Variants in IRS1 observed in about 807,000 individuals in gnomAD.
IRS1 encodes insulin receptor substrate 1.
Under a neutral mutation model 65.6 loss-of-function variants are expected in IRS1, and 34 were observed. The ratio of observed to expected loss-of-function variants is 0.52; its 90% CI spans 0.39 to 0.69. The LOEUF (loss-of-function observed/expected upper bound fraction) is 0.69, where lower values mean the gene tolerates loss of function less well. Among genes scored for constraint, IRS1 ranks in the 30% least tolerant of loss-of-function variants. The probability of loss-of-function intolerance (pLI) is 0.00; values close to 1 mark genes in which losing one functional copy is unlikely to be tolerated. For synonymous variants in IRS1, 699 were observed against 683.5 expected, an observed-to-expected ratio of 1.02 and a Z score of -0.35; for missense variants, 1,641 against 1,720.2, an observed-to-expected ratio of 0.95 and a Z score of 0.81.
chr2:226,777,179 T>A lies in IRS1; in HGVS notation c.*21+17810A>T, dbSNP rs1300986014. Among the ~76,000 whole-genome samples the A allele has an allele frequency of 2.0e-5, 3 of 152,300 alleles. No homozygotes were observed. In the South Asian group the frequency reaches 6.2e-4, roughly 32 times the overall value. On this transcript the variant is annotated intron_variant, in intron 1 of 1. Transcript: ENST00000305123. ...CTTTAGTTAACAATAATGTGTCACA[T>A]TAGTTCATTGTGACAAATGTATTAT...
In IRS1 at chr2:226,798,718, G is replaced by T; in HGVS notation, c.21C>A (p.Ser7Arg). Reference protein sequence around the residue: MASPPESDGFSDVRKVG... With the variant: MASPPERDGFSDVRKVG... Reference sequence around the variant, plus strand: ...CCTTGCGCACGTCCGAGAAGCCATCGCTCTCCGGAGGGCTCGCCATGCTGC... The same window carrying T: ...CCTTGCGCACGTCCGAGAAGCCATCTCTCTCCGGAGGGCTCGCCATGCTGC... The change falls in exon 1 of 2, where the codon AGC becomes AGA. Residue 7 changes from serine to arginine, a missense_variant. By Grantham distance (110) the Ser-to-Arg change is moderately radical (BLOSUM62 -1). Around this residue, in one of 3 missense-constraint regions of IRS1, gnomAD observed 240 missense variants for 229.6 expected, o/e 1.05. Coordinates refer to ENST00000305123, the MANE Select transcript of IRS1 (RefSeq NM_005544.3). The surrounding 1 kb of genome is among the most constrained non-coding windows in gnomAD (Gnocchi z 9.4). 6.2e-7 allele frequency: 1 copy of T among 1,612,292 alleles called. No homozygotes were observed. Among genetic ancestry groups the T allele is most frequent in the Non-Finnish European group, 8.5e-7 (1 of 1,179,710 alleles).
rs1475993652 is a variant in IRS1, at chr2:226,795,628, G to A, written c.3111C>T (p.Ser1037=). The change falls in exon 1 of 2, where the codon TCC becomes TCT. Residue 1037 remains serine, a synonymous_variant. Coordinates refer to ENST00000305123, the MANE Select transcript of IRS1 (RefSeq NM_005544.3). ...CAGTCGGGGAAGCAGAGGCTGCTGA[G>A]GATGAGGAGGCAGCAGCCATGGTGG... ...PRATMAAASS[S]SAASASPTGP... 2.5e-6 allele frequency: 4 copies of A among 1,612,548 alleles called. No homozygotes were observed. Among genetic ancestry groups the A allele is most frequent in the African/African-American group, 1.3e-5 (1 of 74,942 alleles).
At chr2:226,790,645 G>A (rs1939571923) in intron 1 of IRS1, among the ~76,000 whole-genome samples, 1 of 152,146 alleles carries the variant, frequency 6.6e-6, no homozygotes, top group Non-Finnish European at 1.5e-5. Context: ...CAGAAAAAGC[G>A]CTGCCCTGGG....
In IRS1 at chr2:226,733,133, A is replaced by C. The variant is rs563091757; in HGVS notation, c.*3139T>G. 6.6e-6 allele frequency: 1 copy of C among 152,216 alleles called. No individual in the cohort carries two copies. Among genetic ancestry groups the C allele is most frequent in the Non-Finnish European group, 1.5e-5 (1 of 68,040 alleles). The allele number at this position is 152,216 out of a possible 1,614,324, so 9.4% of individuals were successfully genotyped here. A position where few individuals can be genotyped will look rare whatever the true frequency, so the allele number is the denominator to read the frequency against. ...GACTTTGTGGTATATTGTATTCAAG[A>C]TGCAAGATTGAATAAAACAGGGCTT... On this transcript the variant is annotated 3_prime_UTR_variant, in exon 2 of 2. Transcript: ENST00000305123.
intron 1 of IRS1, among the ~76,000 whole-genome samples, chr2:226,738,136 A>T (rs186428834): frequency 7.9e-5 from 12 of 152,358 alleles, no homozygotes; most frequent in African/African-American, 2.9e-4. Context: ...CTACATTGAC[A>T]TAAGGTCAAG....
chr2:226,775,182 C>T (rs1939244430), intron 1 of IRS1, among the ~76,000 whole-genome samples: 1 of 152,084 alleles, frequency 6.6e-6, no homozygotes, highest in Non-Finnish European at 1.5e-5. Flanking sequence ...GAAAAGACTT[C>T]AGTAAAAGAG....
chr2:226,792,512 G>A (rs1354651479), intron 1 of IRS1: 1 of 152,350 alleles, frequency 6.6e-6, no homozygotes, highest in Non-Finnish European at 1.5e-5. Flanking sequence ...GCAAGAGAAA[G>A]GGCAGGCAGA....
At chr2:226,791,217 T>G (rs1939588169) in intron 1 of IRS1, among the ~76,000 whole-genome samples, 1 of 151,946 alleles carries the variant, frequency 6.6e-6, no homozygotes, top group African/African-American at 2.4e-5. Flanking sequence ...CGCAGGTCTC[T>G]CTCCCTCCCT....
intron 1 of IRS1, among the ~76,000 whole-genome samples, chr2:226,760,105 G>A (rs1938885653): frequency 6.6e-6 from 1 of 152,156 alleles, no homozygotes; most frequent in African/African-American, 2.4e-5. Context: ...AAGCCCAGGA[G>A]GTTGAGCTGC....
rs1939742315 is a variant in IRS1, at chr2:226,796,957, A to G, written c.1782T>C (p.Arg594=). The G allele has an allele frequency of 2.6e-6, 4 of 1,565,068 alleles. No homozygotes were observed. In the African/African-American group the frequency reaches 4.1e-5, roughly 16 times the overall value. The part of the protein sequence containing the change: ...EEGLEMHPLE[R]RGGHHRPDSS... ...TGTCTGGGCGGTGGTGCCCCCCCCG[A>G]CGCTCCAAGGGGTGCATTTCCAGAC... is the stretch of plus-strand genomic sequence containing the variant. The change falls in exon 1 of 2, where the codon CGT becomes CGC. Residue 594 remains arginine (R), a synonymous_variant. Transcript: ENST00000305123.
rs1199611043 is a variant in IRS1, at chr2:226,799,354, GGCTGTT to G, written c.-622_-617del. The G allele has an allele frequency of 4.8e-6, 6 of 1,256,256 alleles. No homozygotes were observed. In the Admixed American group the frequency reaches 1.0e-4, roughly 21 times the overall value. The allele number at this position is 1,256,256 out of a possible 1,614,324, so 77.8% of individuals were successfully genotyped here. ...TCAGTCGCAGAGACCGCGGCGCTGC[GGCTGTT>G]GCTGTTGCTGCTGCTGCTGCTGCTG... On this transcript the variant is annotated 5_prime_UTR_variant, in exon 1 of 2. Transcript: ENST00000305123. The surrounding 1 kb of genome is among the most constrained non-coding windows in gnomAD (Gnocchi z 6.1).
At chr2:226,763,969 C>T (rs1320074735) in intron 1 of IRS1, among the ~76,000 whole-genome samples, 5 of 151,902 alleles carry the variant, frequency 3.3e-5, no homozygotes, top group African/African-American at 4.8e-5. Context: ...TTTGTATGAC[C>T]GTTGTATAGT....
At chr2:226,741,259 A>G (rs1938430814) in intron 1 of IRS1, among the ~76,000 whole-genome samples, 1 of 152,226 alleles carries the variant, frequency 6.6e-6, no homozygotes, top group Non-Finnish European at 1.5e-5. Context: ...CATGATGAGA[A>G]AAATTTTTGA....
At chr2:226,740,258 A>G (rs1181503711) in intron 1 of IRS1, among the ~76,000 whole-genome samples, 6 of 152,196 alleles carry the variant, frequency 3.9e-5, no homozygotes, top group Non-Finnish European at 8.8e-5. Context: ...AAATTTCATC[A>G]CCACATCAGT....
chr2:226,749,978 C>T (rs111451299), intron 1 of IRS1, among the ~76,000 whole-genome samples: 3 of 152,178 alleles, frequency 2.0e-5, no homozygotes, highest in African/African-American at 4.8e-5. Context: ...GGCCGAGAGT[C>T]GTGGCTCATG....
chr2:226,799,177 T>A lies in IRS1; in HGVS notation c.-439A>T. On this transcript the variant is annotated 5_prime_UTR_variant, in exon 1 of 2. Coordinates refer to ENST00000305123, the MANE Select transcript of IRS1 (RefSeq NM_005544.3). This position sits in a 1 kb window ranked among gnomAD's most constrained non-coding sequence, Gnocchi z 6.1. ...GCGCGCCTTCCCTCCTGAGTTCCCC[T>A]CTGGAAGCAGCGATTCCCGAGGCAA... The A allele has an allele frequency of 9.0e-7, 1 of 1,109,684 alleles. No homozygotes were observed. Among genetic ancestry groups the A allele is most frequent in the South Asian group, 2.3e-5 (1 of 44,272 alleles). 68.7% of individuals were successfully genotyped at this position (1,109,684 alleles called of 1,614,324 possible).
intron 1 of IRS1, among the ~76,000 whole-genome samples, chr2:226,788,720 T>C (rs1274340712): frequency 6.6e-6 from 1 of 152,204 alleles, no homozygotes; most frequent in Non-Finnish European, 1.5e-5. Flanking sequence ...CAATAAATTT[T>C]TGTAACTATG....
At chr2:226,787,258 C>T (rs781096055) in intron 1 of IRS1, among the ~76,000 whole-genome samples, 3 of 152,064 alleles carry the variant, frequency 2.0e-5, no homozygotes, top group Non-Finnish European at 2.9e-5. Context: ...GCCATTCTTC[C>T]AAATGAGAGT....
chr2:226,797,310 T>C lies in IRS1; in HGVS notation c.1429A>G (p.Thr477Ala). ...CMGGKGPSTL[T>A]APNGHYILSR... ...AAAATGTAGTGACCGTTGGGGGCGG[T>C]CAGGGTGGAGGGCCCCTTGCCACCC... The change falls in exon 1 of 2, where the codon ACC (threonine) becomes GCC (alanine). Residue 477 changes from threonine (T) to alanine (A), a missense_variant. Around this residue, in one of 3 missense-constraint regions of IRS1, gnomAD observed 1,324 missense variants for 1,361.0 expected, o/e 0.97. Transcript: ENST00000305123. This position sits in a 1 kb window ranked among gnomAD's most constrained non-coding sequence, Gnocchi z 8.1. 2.5e-6 allele frequency: 4 copies of C among 1,612,916 alleles called. No homozygotes were observed. Among genetic ancestry groups the C allele is most frequent in the Non-Finnish European group, 3.4e-6 (4 of 1,179,896 alleles).
Sources: gnomAD v4.1 joint callset for allele counts (sites outside exome capture counted in the v4.1 genomes callset) on GRCh38, gnomAD v4.1.1 for gene constraint, gnomAD v4.1.1 regional missense constraint, Gnocchi (gnomAD v3.1) non-coding constraint, MANE v1.5 for transcripts, NCBI Gene and HGNC (gene_info 2026-07-23, HGNC 2026-07-21) for gene names.